Variants in MTMR8 observed in about 807,000 individuals in gnomAD.
MTMR8 encodes the protein phosphatidylinositol-3,5-bisphosphate 3-phosphatase MTMR8.
In MTMR8, 65 loss-of-function variants were observed where a neutral mutation model predicts 39.3. The observed-to-expected ratio is 1.65, with a 90% CI of 1.35 to 2.03. The LOEUF is 2.03. Ranked by LOEUF, MTMR8 falls within the 30% of genes most tolerant of loss-of-function variation. MTMR8 has a pLI of 0.00. For synonymous variants in MTMR8, 245 were observed against 185.2 expected, an observed-to-expected ratio of 1.32 and a Z score of -2.62; for missense variants, 777 against 538.9, an observed-to-expected ratio of 1.44 and a Z score of -4.37.
chrX:64,318,639 G>T (rs976860040), intron 12 of MTMR8, among the ~76,000 whole-genome samples: 2 of 110,466 alleles, frequency 1.8e-5, no homozygotes, highest in African/African-American at 6.6e-5. Context: ...ACTTAGTGGG[G>T]GGAGTAGGAA....
At chrX:64,271,729 C>T (rs191623172) in intron 12 of MTMR8, among the ~76,000 whole-genome samples, 81 of 112,175 alleles carry the variant, frequency 7.2e-4, no homozygotes, top group Non-Finnish European at 1.1e-3. Context: ...TGGCTTCTGT[C>T]TCACCTGTTT....
At chrX:64,285,902 C>T (rs1359719471) in intron 12 of MTMR8, among the ~76,000 whole-genome samples, 1 of 111,129 alleles carries the variant, frequency 9.0e-6, no homozygotes, top group East Asian at 2.8e-4. Context: ...ACCCTAACAT[C>T]ACAATTAAAA....
At chrX:64,319,234 C>A (rs888299016) in intron 12 of MTMR8, among the ~76,000 whole-genome samples, 1 of 112,123 alleles carries the variant, frequency 8.9e-6, no homozygotes, top group African/African-American at 3.2e-5. Context: ...TTTTCAAATT[C>A]TAGAATCTAA....
intron 12 of MTMR8, among the ~76,000 whole-genome samples, chrX:64,319,174 T>C (rs754199660): frequency 1.8e-5 from 2 of 112,568 alleles, no homozygotes; most frequent in African/African-American, 6.5e-5. Context: ...GGGAACTCCG[T>C]ACCTCCATGA....
At chrX:64,290,642 T>C (rs1440114896) in intron 12 of MTMR8, among the ~76,000 whole-genome samples, 1 of 111,044 alleles carries the variant, frequency 9.0e-6, no homozygotes, top group Non-Finnish European at 1.9e-5. Context: ...GTGTGGACTC[T>C]GTCCTTAGCC....
At chrX:64,289,513 T>C (rs1921323289) in intron 12 of MTMR8, among the ~76,000 whole-genome samples, 1 of 108,787 alleles carries the variant, frequency 9.2e-6, no homozygotes, top group Non-Finnish European at 1.9e-5. Flanking sequence ...GGCACATGTA[T>C]GTAGTCCTAG....
intron 12 of MTMR8, among the ~76,000 whole-genome samples, chrX:64,278,582 C>A (rs1449805323): frequency 9.8e-6 from 1 of 101,898 alleles, no homozygotes; most frequent in African/African-American, 3.7e-5. Context: ...CAAGTGATTA[C>A]CCTGCCTCAG....
At chrX:64,304,860 T>TTATATATATATATATA (rs751399962) in intron 12 of MTMR8, among the ~76,000 whole-genome samples, 1 of 28,580 alleles carries the variant, frequency 3.5e-5, no homozygotes, top group Non-Finnish European at 8.7e-5. Flanking sequence ...GATCAAACAT[T>TTATATATATATATATA]TATATATATA....
intron 1 of MTMR8, among the ~76,000 whole-genome samples, chrX:64,364,768 C>G (rs1330550395): frequency 1.8e-5 from 2 of 111,966 alleles, no homozygotes; most frequent in Non-Finnish European, 3.8e-5. Flanking sequence ...ATGGCTTTCA[C>G]AAGCTGACAG....
chrX:64,287,054 C>T (rs764948600), intron 12 of MTMR8, among the ~76,000 whole-genome samples: 2 of 111,549 alleles, frequency 1.8e-5, no homozygotes, highest in South Asian at 7.6e-4. Context: ...GATTGTATAT[C>T]TAGAAAACCC....
At chrX:64,331,326 A>G in intron 11 of MTMR8, 2 of 395,733 alleles carry the variant, frequency 5.1e-6, no homozygotes. Flanking sequence ...CTGGATCCTC[A>G]TGACTGCTCT....
In MTMR8 at chrX:64,268,331, C is replaced by A. The variant is rs183095891; in HGVS notation, c.*206G>T. 95 of 398,106 alleles carry A rather than the reference C, an allele frequency of 2.4e-4. No homozygotes were observed. The highest frequency in any genetic ancestry group is 2.2e-3 in the African/African-American group (88 of 39,793). 32.8% of individuals were successfully genotyped at this position (398,106 alleles called of 1,213,427 possible). On this transcript the variant is annotated 3_prime_UTR_variant, in exon 14 of 14. Coordinates refer to ENST00000374852, the MANE Select transcript of MTMR8 (RefSeq NM_017677.4). Reference sequence around the variant, plus strand: ...TCCCATTTTAGAACAATAACATATTCTTTCTCTTGCCTACACTCTGTACTG... The same window carrying A: ...TCCCATTTTAGAACAATAACATATTATTTCTCTTGCCTACACTCTGTACTG...
Position 64,383,610 on chromosome X carries a change from C to T in MTMR8, c.24+11730G>A, listed in dbSNP as rs192345370. On this transcript the variant is annotated intron_variant, in intron 1 of 13. Transcript: ENST00000374852. The stretch of plus-strand genomic sequence containing the variant: ...GAAGAGGGAGCAGGCACTCACACTG[C>T]GAGAGAAGAAGTAAAATGGGGGGAA... Among the ~76,000 whole-genome samples the T allele has an allele frequency of 2.3e-3, 247 of 109,607 alleles. 2 individuals are homozygous for T. The highest frequency in any genetic ancestry group is 7.7e-3 in the African/African-American group (231 of 30,078).
intron 12 of MTMR8, among the ~76,000 whole-genome samples, chrX:64,308,653 T>C (rs1184058726): frequency 9.0e-6 from 1 of 111,453 alleles, no homozygotes; most frequent in Non-Finnish European, 1.9e-5. Context: ...TATTTCTACA[T>C]AACGATTAAT....
chrX:64,337,149 A>G (rs1923097505), intron 9 of MTMR8, 119 bp downstream of exon 9: 1 of 746,617 alleles, frequency 1.3e-6, no homozygotes, highest in Admixed American at 3.5e-5. Flanking sequence ...AAATTGGAAA[A>G]GCTATTTTTG....
chrX:64,367,044 C>T (rs1459625219), intron 1 of MTMR8, among the ~76,000 whole-genome samples: 18 of 111,644 alleles, frequency 1.6e-4, no homozygotes, highest in African/African-American at 5.2e-4. Context: ...TACACCCTCC[C>T]AAGACTAAAC....
chrX:64,309,804 T>C (rs1309495990), intron 12 of MTMR8, among the ~76,000 whole-genome samples: 1 of 112,612 alleles, frequency 8.9e-6, no homozygotes, highest in African/African-American at 3.2e-5. Flanking sequence ...TGTAGTCTAT[T>C]AAGTATGCAA....
intron 1 of MTMR8, among the ~76,000 whole-genome samples, chrX:64,367,406 C>T (rs1407688295): frequency 1.8e-5 from 2 of 111,907 alleles, no homozygotes; most frequent in African/African-American, 6.5e-5. Context: ...AAAACCTTAT[C>T]CACCATGATC....
At chrX:64,375,736 A>G (rs1372263391) in intron 1 of MTMR8, among the ~76,000 whole-genome samples, 1 of 111,550 alleles carries the variant, frequency 9.0e-6, no homozygotes, top group East Asian at 2.8e-4. Flanking sequence ...CAGATACCAA[A>G]TCTGCATGCA....
Sources: allele counts gnomAD v4.1 joint callset (sites outside exome capture counted in the v4.1 genomes callset), GRCh38; gene constraint gnomAD v4.1.1; transcripts MANE v1.5; gene names NCBI Gene and HGNC (gene_info 2026-07-23, HGNC 2026-07-21).